MYO3A: variants seen among roughly 807,000 people sequenced by gnomAD.
MYO3A encodes myosin-IIIa.
Under a neutral mutation model 192.7 loss-of-function variants are expected in MYO3A, and 180 were observed. That is an observed-to-expected ratio of 0.93 (90% CI 0.83 to 1.06). MYO3A has a LOEUF of 1.06. Among genes scored for constraint, MYO3A ranks in the 50% least tolerant of loss-of-function variants. The pLI, the probability that MYO3A is intolerant of heterozygous loss-of-function variation, is 0.00. For missense variants in MYO3A, 1,896 were observed against 1,905.0 expected, an observed-to-expected ratio of 1.00 and a Z score of 0.09; for synonymous variants, 628 against 645.3, an observed-to-expected ratio of 0.97 and a Z score of 0.41.
intron 29 of MYO3A, among the ~76,000 whole-genome samples, chr10:26,172,667 T>C (rs1269537872): frequency 2.0e-5 from 3 of 152,228 alleles, no homozygotes; most frequent in African/African-American, 7.2e-5. Context: ...TTCAAAATAC[T>C]AGTGTAGCGA....
intron 10 of MYO3A, among the ~76,000 whole-genome samples, chr10:26,039,070 C>T (rs142250541): frequency 2.0e-5 from 3 of 151,952 alleles, no homozygotes; most frequent in South Asian, 2.1e-4. Context: ...GACGGAGTTT[C>T]GCTCTTGTTG....
At chr10:25,968,786 T>C (rs1838421292) in intron 4 of MYO3A, among the ~76,000 whole-genome samples, 1 of 152,254 alleles carries the variant, frequency 6.6e-6, no homozygotes, top group South Asian at 2.1e-4. Flanking sequence ...TGAAATATCA[T>C]GTGGTCCTGC....
chr10:25,996,430 C>A, intron 4 of MYO3A, 60 bp from the exon 5 acceptor site: 1 of 1,442,860 alleles, frequency 6.9e-7, no homozygotes, highest in South Asian at 1.2e-5. Flanking sequence ...AAGAACTTTT[C>A]TAGAAAGAAC....
chr10:26,180,505 T>G (rs1473542527), intron 31 of MYO3A, among the ~76,000 whole-genome samples: 1 of 152,172 alleles, frequency 6.6e-6, no homozygotes, highest in Non-Finnish European at 1.5e-5. Flanking sequence ...AATTTCCAGT[T>G]AATGCAATAA....
At chr10:25,976,866 C>A (rs1838994722) in intron 4 of MYO3A, among the ~76,000 whole-genome samples, 1 of 151,946 alleles carries the variant, frequency 6.6e-6, no homozygotes, top group South Asian at 2.1e-4. Flanking sequence ...AATTCATTCA[C>A]CTGGATGCAA....
intron 2 of MYO3A, among the ~76,000 whole-genome samples, chr10:25,940,122 G>C (rs763881250): frequency 2.6e-5 from 4 of 151,986 alleles, no homozygotes; most frequent in Non-Finnish European, 5.9e-5. Flanking sequence ...ACAGCCTGTA[G>C]TTACCAATTT....
At chr10:26,159,935 G>T (rs1443330785) in intron 26 of MYO3A, among the ~76,000 whole-genome samples, 1 of 151,708 alleles carries the variant, frequency 6.6e-6, no homozygotes, top group African/African-American at 2.4e-5. Context: ...ATAAAAAAAT[G>T]GAATTTTTTT....
At chr10:26,020,411 T>C (rs1842241525) in intron 7 of MYO3A, among the ~76,000 whole-genome samples, 1 of 152,214 alleles carries the variant, frequency 6.6e-6, no homozygotes, top group African/African-American at 2.4e-5. Flanking sequence ...GTGTAAATCT[T>C]ACCAACTGAA....
intron 7 of MYO3A, among the ~76,000 whole-genome samples, chr10:26,019,917 G>A (rs1339565464): frequency 6.6e-6 from 1 of 152,114 alleles, no homozygotes; most frequent in African/African-American, 2.4e-5. Flanking sequence ...ACTTCAGGCT[G>A]TGCTCTCTGA....
rs143653289 is a variant in MYO3A, at chr10:26,088,009, T to G, written c.1360-194T>G. Among the ~76,000 whole-genome samples the G allele has an allele frequency of 2.5e-3, 376 of 152,294 alleles. 2 individuals carry two copies. The highest frequency in any genetic ancestry group is 8.5e-3 in the African/African-American group (355 of 41,558). ...AAGTATAGAATATCTCCTTGTCCCTTTTTAAGAAAACAAGTGAGTGAATCC... is the reference window on the plus strand; with the variant it reads ...AAGTATAGAATATCTCCTTGTCCCTGTTTAAGAAAACAAGTGAGTGAATCC... On this transcript the variant is annotated intron_variant, in intron 14 of 34. Transcript: ENST00000642920.
At chr10:26,198,433 G>A (rs992230209) in intron 32 of MYO3A, among the ~76,000 whole-genome samples, 5 of 152,156 alleles carry the variant, frequency 3.3e-5, no homozygotes, top group African/African-American at 9.7e-5. Context: ...ACGAGTAATC[G>A]AACACAATCT....
intron 33 of MYO3A, among the ~76,000 whole-genome samples, chr10:26,201,547 G>T (rs1004011473): frequency 3.3e-5 from 5 of 151,886 alleles, no homozygotes; most frequent in African/African-American, 1.2e-4. Context: ...TTAGCCGGGC[G>T]TAGTGGCAGG....
intron 19 of MYO3A, 63 bp from the exon 20 acceptor site, chr10:26,128,328 T>G (rs1455210696): frequency 2.6e-6 from 4 of 1,535,094 alleles, no homozygotes; most frequent in Non-Finnish European, 3.6e-6. Flanking sequence ...AACTCTAAGA[T>G]TCCCTGTTTT....
intron 29 of MYO3A, among the ~76,000 whole-genome samples, chr10:26,173,155 C>T (rs547771998): frequency 3.3e-5 from 5 of 152,026 alleles, no homozygotes; most frequent in East Asian, 1.9e-4. Flanking sequence ...TTTTGGCCAC[C>T]GTATTACATG....
rs1489676777 is a variant in MYO3A at position 26,173,737 on chromosome 10, A to G, written c.3473A>G (p.Lys1158Arg). 1.1e-5 allele frequency: 17 copies of G among 1,613,814 alleles called. No homozygotes were observed. Among genetic ancestry groups the G allele is most frequent in the Non-Finnish European group, 1.4e-5 (17 of 1,179,844 alleles). ...AGATTCATTTCAGCTCCAAATAATA[A>G]AGGAAGTGTATCTGTAGTGAAGACT... The part of the protein sequence containing the change: ...NERFISAPNN[K>R]GSVSVVKTST... The change falls in exon 30 of 35, where the codon AAA (lysine) becomes AGA (arginine). Residue 1158 changes from lysine (K) to arginine (R), a missense_variant. Lys to Arg is a conservative substitution (Grantham distance 26). Transcript: ENST00000642920.
At position 26,174,321 on chromosome 10, in the gene MYO3A, A is replaced by G; in HGVS notation, c.4057A>G (p.Ile1353Val). ...GGAAGAAGATAAAGCAGCGGTATTC[A>G]TTCAGAGCAAATACCGGGGTTACAA... ...QEEEDKAAVF[I>V]QSKYRGYKRR... The change falls in exon 30 of 35, where the codon ATT becomes GTT. Residue 1353 changes from isoleucine to valine, a missense_variant. Coordinates refer to ENST00000642920, the MANE Select transcript of MYO3A (RefSeq NM_017433.5). 6.2e-7 allele frequency: 1 copy of G among 1,614,220 alleles called. No individual in the cohort carries two copies. The highest frequency in any genetic ancestry group is 1.6e-4 in the Middle Eastern group (1 of 6,062).
chr10:26,137,351 G>T (rs1444097878), intron 20 of MYO3A, among the ~76,000 whole-genome samples: 1 of 152,166 alleles, frequency 6.6e-6, no homozygotes, highest in Non-Finnish European at 1.5e-5. Flanking sequence ...AACATAAATT[G>T]TGAAGATTTC....
At chr10:26,180,592 A>G (rs2132077090) in intron 31 of MYO3A, among the ~76,000 whole-genome samples, 1 of 152,308 alleles carries the variant, frequency 6.6e-6, no homozygotes, top group Non-Finnish European at 1.5e-5. Flanking sequence ...ATTAGCAGAC[A>G]ACATTAAAAA....
At chr10:26,100,139 G>A (rs58562135) in intron 17 of MYO3A, among the ~76,000 whole-genome samples, 2,148 of 152,256 alleles carry the variant, frequency 0.014, 63 homozygotes, top group African/African-American at 0.049. Context: ...AGTCTTGGGA[G>A]GGTGTATGTG....
Sources: gnomAD v4.1 joint callset for allele counts (sites outside exome capture counted in the v4.1 genomes callset) on GRCh38, gnomAD v4.1.1 for gene constraint, MANE v1.5 for transcripts, NCBI Gene and HGNC (gene_info 2026-07-23, HGNC 2026-07-21) for gene names.